Variants in MAGI2 observed in about 807,000 individuals in gnomAD.
MAGI2 encodes membrane-associated guanylate kinase, WW and PDZ domain-containing protein 2.
In MAGI2, 35 loss-of-function variants were observed where a neutral mutation model predicts 133.3. The observed-to-expected ratio is 0.26, with a 90% CI of 0.20 to 0.35. The LOEUF is 0.35. Among genes scored for constraint, MAGI2 ranks in the 10% least tolerant of loss-of-function variants. The pLI is 1.00. For missense variants in MAGI2, 1,636 were observed against 1,863.4 expected (o/e 0.88, Z 2.25); for synonymous variants, 729 against 710.6 (o/e 1.03, Z -0.41).
chr7:78,069,247 T>G (rs1200371888), intron 21 of MAGI2, among the ~76,000 whole-genome samples: 2 of 152,190 alleles, frequency 1.3e-5, no homozygotes, highest in Non-Finnish European at 2.9e-5. Context: ...AAGTAGAAAC[T>G]TCGGCAGGCC....
intron 9 of MAGI2, among the ~76,000 whole-genome samples, chr7:78,266,049 AGAGT>A (rs1339207342): frequency 1.3e-5 from 2 of 152,208 alleles, no homozygotes; most frequent in African/African-American, 2.4e-5. Context: ...ACAAGGAGAG[AGAGT>A]GAGAGGGATG....
chr7:78,543,648 A>G (rs1240614835), intron 3 of MAGI2, among the ~76,000 whole-genome samples: 2 of 152,196 alleles, frequency 1.3e-5, no homozygotes, highest in East Asian at 1.9e-4. Context: ...CTGGCCTGCC[A>G]TTTCCTTCCC....
chr7:78,844,698 G>C (rs1420953150), intron 2 of MAGI2, among the ~76,000 whole-genome samples: 2 of 151,714 alleles, frequency 1.3e-5, no homozygotes, highest in African/African-American at 2.4e-5. Context: ...TGGGGAACAG[G>C]GGGTGATGAA....
chr7:78,064,107 T>A (rs1037556588), intron 21 of MAGI2, among the ~76,000 whole-genome samples: 1 of 152,188 alleles, frequency 6.6e-6, no homozygotes, highest in Non-Finnish European at 1.5e-5. Flanking sequence ...GAAACAGAAA[T>A]CTATCCCTCC....
At chr7:78,744,106 T>C (rs1822696864) in intron 2 of MAGI2, among the ~76,000 whole-genome samples, 1 of 152,210 alleles carries the variant, frequency 6.6e-6, no homozygotes, top group African/African-American at 2.4e-5. Context: ...TACATTTATG[T>C]ATGTATTTTT....
chr7:78,242,609 C>T (rs577676823), intron 10 of MAGI2, among the ~76,000 whole-genome samples: 1 of 152,286 alleles, frequency 6.6e-6, no homozygotes, highest in Non-Finnish European at 1.5e-5. Flanking sequence ...TTGATTTTCT[C>T]CTAATCTCCC....
At chr7:79,067,802 T>A (rs376273263) in intron 1 of MAGI2, among the ~76,000 whole-genome samples, 2 of 152,232 alleles carry the variant, frequency 1.3e-5, no homozygotes, top group Non-Finnish European at 2.9e-5. Flanking sequence ...TTATTGAGAT[T>A]TTTTAGCATG....
At chr7:78,031,616 G>A (rs1809574265) in intron 21 of MAGI2, among the ~76,000 whole-genome samples, 1 of 152,096 alleles carries the variant, frequency 6.6e-6, no homozygotes, top group African/African-American at 2.4e-5. Context: ...TCTTTAGAAG[G>A]CATCTTTAAT....
At chr7:78,893,207 A>G (rs1261862767) in intron 2 of MAGI2, among the ~76,000 whole-genome samples, 1 of 152,016 alleles carries the variant, frequency 6.6e-6, no homozygotes, top group Non-Finnish European at 1.5e-5. Context: ...TTAGAATGGC[A>G]ATCATTAAAA....
At chr7:79,417,334 A>T (rs1846604663) in intron 1 of MAGI2, among the ~76,000 whole-genome samples, 1 of 152,170 alleles carries the variant, frequency 6.6e-6, no homozygotes, top group African/African-American at 2.4e-5. Context: ...TGATAACATA[A>T]TAGAGAGCTG....
intron 1 of MAGI2, among the ~76,000 whole-genome samples, chr7:79,149,768 G>T (rs1217690631): frequency 6.6e-6 from 1 of 152,048 alleles, no homozygotes; most frequent in Non-Finnish European, 1.5e-5. Context: ...TTACAGTAAG[G>T]ACACAAGGTT....
At chr7:78,029,866 G>C (rs1393913009) in intron 21 of MAGI2, among the ~76,000 whole-genome samples, 1 of 152,208 alleles carries the variant, frequency 6.6e-6, no homozygotes, top group Non-Finnish European at 1.5e-5. Context: ...TAAAGCACAG[G>C]GAAGTTTTGC....
intron 1 of MAGI2, among the ~76,000 whole-genome samples, chr7:79,368,991 A>G (rs1842902112): frequency 1.3e-5 from 2 of 152,166 alleles, no homozygotes; most frequent in African/African-American, 4.8e-5. Context: ...TATTTTTAAG[A>G]TCATTTTTAA....
At chr7:78,046,413 A>C (rs1811435818) in intron 21 of MAGI2, among the ~76,000 whole-genome samples, 2 of 48,894 alleles carry the variant, frequency 4.1e-5, no homozygotes, top group African/African-American at 3.3e-4. Context: ...AAAAAAAACA[A>C]AAAAAAAACA....
chr7:79,322,772 A>G (rs2129561769), intron 1 of MAGI2, among the ~76,000 whole-genome samples: 1 of 102,940 alleles, frequency 9.7e-6, no homozygotes, highest in Admixed American at 1.2e-4. Context: ...AGAAAGTGAG[A>G]CTGTCTCAAA....
intron 6 of MAGI2, among the ~76,000 whole-genome samples, chr7:78,451,126 C>A: frequency 6.6e-6 from 1 of 151,988 alleles, no homozygotes; most frequent in East Asian, 1.9e-4. Flanking sequence ...TGCTGAACTT[C>A]TCTCCATCAG....
rs146357128 is a variant in MAGI2 at position 79,317,411 on chromosome 7, T to C, written c.301+135609A>G. ...GCCAAACTGAAGTCAGAGTATATAA[T>C]GCACTGACTGTCCAATAGAATACAC... On this transcript the variant is annotated intron_variant, in intron 1 of 21. Transcript: ENST00000354212. Among the ~76,000 whole-genome samples, 8 of 152,224 alleles carry C rather than the reference T, an allele frequency of 5.3e-5. No homozygotes were observed. In the East Asian group the frequency reaches 1.4e-3, roughly 26 times the overall value.
intron 1 of MAGI2, among the ~76,000 whole-genome samples, chr7:79,105,027 T>A (rs1430691944): frequency 6.6e-6 from 1 of 152,232 alleles, no homozygotes; most frequent in Non-Finnish European, 1.5e-5. Flanking sequence ...CTATTCATTG[T>A]TGTTGAAAAA....
chr7:78,290,393 C>T (rs1260298230), intron 9 of MAGI2, among the ~76,000 whole-genome samples: 1 of 152,166 alleles, frequency 6.6e-6, no homozygotes, highest in African/African-American at 2.4e-5. Flanking sequence ...ACAAGAAGAG[C>T]TAACTATCCT....
Sources: gnomAD v4.1 joint callset for allele counts (sites outside exome capture counted in the v4.1 genomes callset) on GRCh38, gnomAD v4.1.1 for gene constraint, MANE v1.5 for transcripts, NCBI Gene and HGNC (gene_info 2026-07-23, HGNC 2026-07-21) for gene names.